The following NTRK2 variants were observed in gnomAD, a reference collection of about 807,000 sequenced individuals.
The protein encoded by NTRK2 is BDNF/NT-3 growth factors receptor.
NTRK2 carries 13 observed loss-of-function variants against 94.5 expected under a neutral mutation model. The observed-to-expected ratio is 0.14, with a 90% CI of 0.09 to 0.22. NTRK2 has a LOEUF of 0.22. Among genes scored for constraint, NTRK2 ranks in the 10% least tolerant of loss-of-function variants. The pLI, the probability that NTRK2 is intolerant of heterozygous loss-of-function variation, is 1.00. For synonymous variants in NTRK2, 372 were observed against 407.4 expected (o/e 0.91, Z 1.05); for missense variants, 639 against 1,071.2 (o/e 0.60, Z 5.63).
At chr9:84,873,114 A>G (rs200607540) in intron 14 of NTRK2, 11 of 1,064,266 alleles carry the variant, frequency 1.0e-5, no homozygotes, top group Non-Finnish European at 1.3e-5. Flanking sequence ...CTTCAGTGCA[A>G]TCGAATGACC....
chr9:84,807,101 A>G (rs1180209568), intron 12 of NTRK2, among the ~76,000 whole-genome samples: 1 of 152,142 alleles, frequency 6.6e-6, no homozygotes, highest in African/African-American at 2.4e-5. Flanking sequence ...CGTTCCCTTC[A>G]CTTCCTTTGG....
chr9:84,711,389 TA>T (rs1020495955), intron 6 of NTRK2, among the ~76,000 whole-genome samples: 2 of 152,190 alleles, frequency 1.3e-5, no homozygotes, highest in Non-Finnish European at 2.9e-5. Context: ...CTCCAACATT[TA>T]AAAGGGCACC....
chr9:84,721,260 C>T (rs1177894399), intron 6 of NTRK2, among the ~76,000 whole-genome samples: 1 of 151,850 alleles, frequency 6.6e-6, no homozygotes, highest in Non-Finnish European at 1.5e-5. Context: ...ACTGCAAGCT[C>T]CGCCTCCCGG....
intron 2 of NTRK2, among the ~76,000 whole-genome samples, chr9:84,693,822 C>CG (rs2131582531): frequency 6.6e-6 from 1 of 152,286 alleles, no homozygotes; most frequent in East Asian, 1.9e-4. Context: ...TAGTCCTCAT[C>CG]CTACACTACC....
chr9:84,747,562 C>T (rs1180650439), intron 11 of NTRK2, among the ~76,000 whole-genome samples: 1 of 147,890 alleles, frequency 6.8e-6, no homozygotes, highest in Admixed American at 6.8e-5. Flanking sequence ...ACTGCAAGCT[C>T]TGCCTGCCGG....
At chr9:84,695,450 T>G (rs902395089) in intron 2 of NTRK2, among the ~76,000 whole-genome samples, 20 of 152,148 alleles carry the variant, frequency 1.3e-4, no homozygotes, top group African/African-American at 4.6e-4. Context: ...TCAAAAATAT[T>G]TCTGTGAATT....
chr9:84,817,090 G>T (rs563438376), intron 12 of NTRK2, among the ~76,000 whole-genome samples: 16 of 152,310 alleles, frequency 1.1e-4, no homozygotes, highest in African/African-American at 3.6e-4. Context: ...TCTTATAAGA[G>T]TTAAATGAGA....
At chr9:84,724,438 C>A in intron 8 of NTRK2, 82 bp downstream of exon 8, 1 of 1,540,488 alleles carries the variant, frequency 6.5e-7, no homozygotes, top group Non-Finnish European at 9.0e-7. Context: ...ACTCTGGGTG[C>A]TGCTTAAATT....
intron 14 of NTRK2, among the ~76,000 whole-genome samples, chr9:84,926,169 C>CTTTCTTTCTTTCTTT (rs2077789303): frequency 1.3e-4 from 5 of 38,562 alleles, no homozygotes; most frequent in African/African-American, 2.8e-4. Context: ...TTCCTTCCTT[C>CTTTCTTTCTTTCTTT]CTTTCTTTCT....
chr9:84,734,325 C>A (rs2063101270), intron 9 of NTRK2, among the ~76,000 whole-genome samples: 1 of 152,200 alleles, frequency 6.6e-6, no homozygotes. Flanking sequence ...GGCGAACATT[C>A]CCCACCTCCC....
At chr9:84,998,383 G>A (rs1829997386) in intron 17 of NTRK2, among the ~76,000 whole-genome samples, 1 of 152,146 alleles carries the variant, frequency 6.6e-6, no homozygotes, top group Non-Finnish European at 1.5e-5. Flanking sequence ...ACCACTAGCT[G>A]CACCGGCCCA....
At position 85,021,275 on chromosome 9, in the gene NTRK2, C is replaced by T. The variant is rs2118001888; in HGVS notation, c.2355C>T (p.Gly785=). ...NNEVIECITQ[G]RVLQRPRTCP... is the part of the protein sequence containing the mutation. The stretch of plus-strand genomic sequence containing the variant: ...AGGTGATAGAGTGTATCACTCAGGG[C>T]CGAGTCCTGCAGCGACCCCGCACGT... Residue 785 remains glycine (G), a synonymous_variant, in exon 19 of 19, where the codon GGC becomes GGT. Transcript: ENST00000277120. 1 of 1,613,994 alleles carries T rather than the reference C, an allele frequency of 6.2e-7. No individual in the cohort carries two copies. The highest frequency in any genetic ancestry group is 1.3e-5 in the African/African-American group (1 of 74,976).
intron 12 of NTRK2, among the ~76,000 whole-genome samples, chr9:84,764,183 C>T (rs2065839981): frequency 6.6e-6 from 1 of 152,176 alleles, no homozygotes; most frequent in African/African-American, 2.4e-5. Flanking sequence ...AAGATAGTGA[C>T]CACCAGATAC....
At chr9:84,970,193 T>A (rs1826021996) in intron 17 of NTRK2, among the ~76,000 whole-genome samples, 1 of 151,860 alleles carries the variant, frequency 6.6e-6, no homozygotes, top group African/African-American at 2.4e-5. Flanking sequence ...GGTCAGGAGT[T>A]CGAGACCAGC....
chr9:84,670,993 C>G (rs2058666166), intron 2 of NTRK2, 33 bp downstream of exon 2: 2 of 1,595,894 alleles, frequency 1.3e-6, no homozygotes, highest in South Asian at 1.1e-5. Context: ...CCTTTTTCTC[C>G]TTGCCCCTAG....
At chr9:84,944,215 T>TCTCACACACACACACA (rs1440338055) in intron 15 of NTRK2, among the ~76,000 whole-genome samples, 11 of 120,330 alleles carry the variant, frequency 9.1e-5, no homozygotes, top group African/African-American at 3.0e-4. Context: ...TCTCTCTCTC[T>TCTCACACACACACACA]CACACACACA....
chr9:84,997,548 C>G (rs1214028239), intron 17 of NTRK2, among the ~76,000 whole-genome samples: 1 of 152,096 alleles, frequency 6.6e-6, no homozygotes, highest in Non-Finnish European at 1.5e-5. Context: ...TGGAGGAATT[C>G]CAGAGCTACG....
intron 12 of NTRK2, among the ~76,000 whole-genome samples, chr9:84,772,962 G>A (rs2066699844): frequency 6.6e-6 from 1 of 152,228 alleles, no homozygotes; most frequent in Non-Finnish European, 1.5e-5. Context: ...TGCAGGCACA[G>A]CAGAGCCACT....
chr9:85,017,142 TATG>T (rs1832324604), intron 17 of NTRK2, among the ~76,000 whole-genome samples: 2 of 152,072 alleles, frequency 1.3e-5, no homozygotes, highest in South Asian at 2.1e-4. Flanking sequence ...GAGAGTGACA[TATG>T]ATGATTCTTC....
Sources: gnomAD v4.1 joint callset for allele counts (sites outside exome capture counted in the v4.1 genomes callset) on GRCh38, gnomAD v4.1.1 for gene constraint, MANE v1.5 for transcripts, NCBI Gene and HGNC (gene_info 2026-07-23, HGNC 2026-07-21) for gene names.